Variants in CCSER2 observed in about 807,000 individuals in gnomAD.
The protein encoded by CCSER2 is serine-rich coiled-coil domain-containing protein 2.
Under a neutral mutation model 92.3 loss-of-function variants are expected in CCSER2, and 46 were observed. The ratio of observed to expected loss-of-function variants is 0.50; its 90% CI spans 0.39 to 0.64. CCSER2 has a LOEUF of 0.64. Among genes scored for constraint, CCSER2 ranks in the 30% least tolerant of loss-of-function variants. The pLI is 0.00. For synonymous variants in CCSER2, 433 were observed against 431.4 expected, an observed-to-expected ratio of 1.00 and a Z score of -0.04; for missense variants, 1,244 against 1,238.9, an observed-to-expected ratio of 1.00 and a Z score of -0.06.
chr10:84,457,128 C>A (rs2133616952), intron 6 of CCSER2, among the ~76,000 whole-genome samples: 1 of 143,354 alleles, frequency 7.0e-6, no homozygotes, highest in South Asian at 2.1e-4. Context: ...TTTAAAAAGG[C>A]TTTCTATGAG....
chr10:84,481,269 G>A (rs554584292), intron 9 of CCSER2, among the ~76,000 whole-genome samples: 100 of 152,102 alleles, frequency 6.6e-4, no homozygotes, highest in African/African-American at 2.2e-3. Context: ...GTTATGTAAT[G>A]TTTTCTTACC....
At position 84,477,585 on chromosome 10, in the gene CCSER2, A is replaced by T; in HGVS notation, c.2246A>T (p.His749Leu). The T allele has an allele frequency of 6.2e-7, 1 of 1,609,200 alleles. No homozygotes were observed. Residue 749 changes from histidine to leucine, a missense_variant, in exon 9 of 10, where the codon CAT becomes CTT. Transcript: ENST00000372088. ...QLLELQLATQHICHQKCKEEK... is the reference protein window; with the variant it reads ...QLLELQLATQLICHQKCKEEK... ...TGTGTTTTTGTTTAGGCAACTCAGCATATCTGCCACCAAAAATGTAAAGAG... is the reference window on the plus strand; with the variant it reads ...TGTGTTTTTGTTTAGGCAACTCAGCTTATCTGCCACCAAAAATGTAAAGAG...
chr10:84,354,526 C>T (rs1003930984), intron 1 of CCSER2, among the ~76,000 whole-genome samples: 7 of 151,482 alleles, frequency 4.6e-5, no homozygotes, highest in Admixed American at 1.3e-4. Flanking sequence ...TTGGATCATA[C>T]GTTCTCTGTG....
In CCSER2 at chr10:84,371,144, C is replaced by T; in HGVS notation, c.92C>T (p.Pro31Leu). ...GTAAGAAGTACATTGCAGCCAATGC[C>T]AAATGGGACACCTGTTAATTTATTA... is the stretch of plus-strand genomic sequence containing the variant. ...KSVRSTLQPM[P>L]NGTPVNLLGT... The change falls in exon 2 of 10, where the codon CCA becomes CTA. Residue 31 changes from proline to leucine, a missense_variant. Physicochemically the swap from Pro to Leu is moderately conservative, Grantham distance 98. Coordinates refer to ENST00000372088, the MANE Select transcript of CCSER2 (RefSeq NM_001284240.2). 1 of 1,613,194 alleles carries T rather than the reference C, an allele frequency of 6.2e-7. No homozygotes were observed. Among genetic ancestry groups the T allele is most frequent in the Non-Finnish European group, 8.5e-7 (1 of 1,179,662 alleles).
At chr10:84,506,115 A>G (rs1486815308) in intron 9 of CCSER2, among the ~76,000 whole-genome samples, 1 of 149,070 alleles carries the variant, frequency 6.7e-6, no homozygotes, top group Non-Finnish European at 1.5e-5. Context: ...ATGCTTACTT[A>G]AGTCCCTCTT....
chr10:84,477,948 A>T (rs935920059), intron 9 of CCSER2, among the ~76,000 whole-genome samples: 1 of 152,186 alleles, frequency 6.6e-6, no homozygotes, highest in Non-Finnish European at 1.5e-5. Flanking sequence ...GATTTATGAG[A>T]GTAGTTCCAC....
intron 1 of CCSER2, among the ~76,000 whole-genome samples, chr10:84,349,831 C>G (rs542127958): frequency 6.6e-6 from 1 of 152,272 alleles, no homozygotes; most frequent in South Asian, 2.1e-4. Flanking sequence ...TCATTCTCCA[C>G]ATAACAGCCA....
intron 1 of CCSER2, among the ~76,000 whole-genome samples, chr10:84,332,105 C>G (rs1843588858): frequency 6.6e-6 from 1 of 152,048 alleles, no homozygotes; most frequent in African/African-American, 2.4e-5. Context: ...TTTACAGACT[C>G]CAGTAGAGTT....
intron 1 of CCSER2, among the ~76,000 whole-genome samples, chr10:84,356,033 G>T (rs1845149754): frequency 6.6e-6 from 1 of 151,362 alleles, no homozygotes; most frequent in African/African-American, 2.4e-5. Context: ...AACCTGGGAG[G>T]TAGAGGTTGC....
At chr10:84,504,201 A>G (rs968252563) in intron 9 of CCSER2, among the ~76,000 whole-genome samples, 2 of 152,128 alleles carry the variant, frequency 1.3e-5, no homozygotes, top group Non-Finnish European at 2.9e-5. Context: ...TATAAATATG[A>G]GCATTTAGGT....
At chr10:84,415,782 A>G (rs1470468553) in intron 3 of CCSER2, among the ~76,000 whole-genome samples, 1 of 152,194 alleles carries the variant, frequency 6.6e-6, no homozygotes, top group Non-Finnish European at 1.5e-5. Context: ...GACGGCAGAG[A>G]TGGCGGCTGC....
chr10:84,351,419 A>G (rs940618580), intron 1 of CCSER2, among the ~76,000 whole-genome samples: 1 of 151,898 alleles, frequency 6.6e-6, no homozygotes, highest in African/African-American at 2.4e-5. Flanking sequence ...TTTAGTAGAG[A>G]TGAGGTTTCG....
intron 3 of CCSER2, among the ~76,000 whole-genome samples, chr10:84,413,302 C>G (rs1385544252): frequency 4.6e-5 from 7 of 152,118 alleles, no homozygotes; most frequent in Non-Finnish European, 1.0e-4. Context: ...ATAAATTTCC[C>G]TCTTAACAGT....
intron 3 of CCSER2, among the ~76,000 whole-genome samples, chr10:84,410,511 A>G (rs1842595400): frequency 6.6e-6 from 1 of 152,122 alleles, no homozygotes; most frequent in Non-Finnish European, 1.5e-5. Context: ...TTCTCTAATG[A>G]TCATTGATGT....
Position 84,373,713 on chromosome 10 carries a change from T to C in CCSER2, c.1512T>C (p.Ser504=). 1 of 1,613,106 alleles carries C rather than the reference T, an allele frequency of 6.2e-7. No homozygotes were observed. The highest frequency in any genetic ancestry group is 1.7e-5 in the Admixed American group (1 of 59,964). ...GTTCTTCGTTTGAACTCTCTCCATC[T>C]GATAGCTCTGATGGAACATACATGT... The part of the protein sequence containing the change: ...RAGSSFELSP[S]DSSDGTYMWD... The change falls in exon 3 of 10, where the codon TCT becomes TCC. Residue 504 remains serine (S), a synonymous_variant. Coordinates refer to ENST00000372088, the MANE Select transcript of CCSER2 (RefSeq NM_001284240.2).
intron 6 of CCSER2, among the ~76,000 whole-genome samples, chr10:84,454,168 T>C (rs61866492): frequency 0.1 from 15,165 of 152,210 alleles, 953 homozygotes; most frequent in Admixed American, 0.15. Flanking sequence ...TACCTTCTAA[T>C]GGTTACCAGC....
intron 6 of CCSER2, chr10:84,456,098 A>G: frequency 2.6e-6 from 1 of 388,928 alleles, no homozygotes. Context: ...GCAGCCACAC[A>G]GGGGAGAGAA....
intron 1 of CCSER2, among the ~76,000 whole-genome samples, chr10:84,343,355 C>G (rs1317197241): frequency 6.6e-6 from 1 of 152,188 alleles, no homozygotes; most frequent in Non-Finnish European, 1.5e-5. Flanking sequence ...TGTGAGGTAT[C>G]TCTTCTCTCT....
At chr10:84,424,552 A>G (rs1238464967) in intron 4 of CCSER2, among the ~76,000 whole-genome samples, 1 of 152,118 alleles carries the variant, frequency 6.6e-6, no homozygotes, top group African/African-American at 2.4e-5. Context: ...AAACTACAAT[A>G]TCCTTTTTTG....
Sources: gnomAD v4.1 joint callset for allele counts (sites outside exome capture counted in the v4.1 genomes callset) on GRCh38, gnomAD v4.1.1 for gene constraint, MANE v1.5 for transcripts, NCBI Gene and HGNC (gene_info 2026-07-23, HGNC 2026-07-21) for gene names.